The following DZIP3 variants were observed in gnomAD, a reference collection of about 807,000 sequenced individuals.
DZIP3 encodes E3 ubiquitin-protein ligase DZIP3.
DZIP3 carries 118 observed loss-of-function variants against 162.0 expected under a neutral mutation model. The observed-to-expected ratio is 0.73, with a 90% confidence interval of 0.63 to 0.85. The LOEUF (loss-of-function observed/expected upper bound fraction) is 0.85, where lower values mean the gene tolerates loss of function less well. Ranked by LOEUF, DZIP3 falls within the 40% of genes least tolerant of loss-of-function variation. DZIP3 has a pLI of 0.00. For missense variants in DZIP3, 1,331 were observed against 1,407.0 expected, an observed-to-expected ratio of 0.95 and a Z score of 0.86; for synonymous variants, 438 against 458.6, an observed-to-expected ratio of 0.96 and a Z score of 0.57.
intron 1 of DZIP3, among the ~76,000 whole-genome samples, chr3:108,597,867 C>G (rs1437769634): frequency 1.3e-5 from 2 of 152,066 alleles, no homozygotes; most frequent in African/African-American, 4.8e-5. Context: ...ATTCTCAGAT[C>G]TTTTACTGTT....
chr3:108,601,836 A>G (rs1193969358), intron 1 of DZIP3, among the ~76,000 whole-genome samples: 1 of 152,182 alleles, frequency 6.6e-6, no homozygotes, highest in Non-Finnish European at 1.5e-5. Context: ...CCAAGAACTG[A>G]AAATTACCAG....
intron 4 of DZIP3, among the ~76,000 whole-genome samples, chr3:108,613,367 G>T (rs531076439): frequency 1.3e-5 from 2 of 152,158 alleles, no homozygotes; most frequent in Admixed American, 6.6e-5. Context: ...CTGGGAATTT[G>T]CCCACTTAAA....
At chr3:108,622,740 T>TA (rs1941411103) in intron 5 of DZIP3, among the ~76,000 whole-genome samples, 1 of 151,990 alleles carries the variant, frequency 6.6e-6, no homozygotes, top group Non-Finnish European at 1.5e-5. Flanking sequence ...TTCATAGAGG[T>TA]ACCATCTTGG....
intron 28 of DZIP3, among the ~76,000 whole-genome samples, chr3:108,687,722 A>G (rs1944546356): frequency 6.6e-6 from 1 of 152,222 alleles, no homozygotes; most frequent in African/African-American, 2.4e-5. Flanking sequence ...TTTTGGAAAG[A>G]AAATAAGTAC....
intron 13 of DZIP3, 58 bp from the exon 14 acceptor site, chr3:108,644,105 AC>A: frequency 6.6e-7 from 1 of 1,523,296 alleles, no homozygotes; most frequent in Non-Finnish European, 8.7e-7. Flanking sequence ...AATGTGAGAG[AC>A]CAAATAGAAA....
At chr3:108,608,383 A>T (rs1367081233) in intron 3 of DZIP3, among the ~76,000 whole-genome samples, 1 of 152,160 alleles carries the variant, frequency 6.6e-6, no homozygotes, top group Admixed American at 6.5e-5. Context: ...ATAACTAAAA[A>T]TTAGTAAAAA....
chr3:108,617,799 A>G (rs941390668), intron 5 of DZIP3, among the ~76,000 whole-genome samples: 3 of 152,210 alleles, frequency 2.0e-5, no homozygotes, highest in African/African-American at 4.8e-5. Context: ...CAGACCTGCT[A>G]TTTCTCCCAC....
intron 2 of DZIP3, 68 bp downstream of exon 2, chr3:108,605,506 A>G (rs898272233): frequency 3.3e-6 from 5 of 1,519,634 alleles, no homozygotes; most frequent in Non-Finnish European, 4.5e-6. Context: ...TTTTCCACGG[A>G]TGGTGGGGGT....
At chr3:108,591,113 G>A (rs1939387042) in intron 1 of DZIP3, among the ~76,000 whole-genome samples, 1 of 152,212 alleles carries the variant, frequency 6.6e-6, no homozygotes, top group South Asian at 2.1e-4. Context: ...GCTTCAAGGA[G>A]TTGAGAAAGG....
chr3:108,672,692 G>A, intron 23 of DZIP3, 36 bp downstream of exon 23: 1 of 1,540,440 alleles, frequency 6.5e-7, no homozygotes. Flanking sequence ...ATGGGGTGAG[G>A]GGAAAAGTTT....
chr3:108,609,606 G>A (rs1223290296), intron 3 of DZIP3, among the ~76,000 whole-genome samples: 3 of 152,210 alleles, frequency 2.0e-5, no homozygotes, highest in Admixed American at 2.0e-4. Flanking sequence ...GGAGGCTAAT[G>A]TGGGCGGATT....
At chr3:108,651,186 T>C in intron 18 of DZIP3, 24 bp downstream of exon 18, 1 of 727,064 alleles carries the variant, frequency 1.4e-6, no homozygotes, top group South Asian at 2.4e-5. Flanking sequence ...TATTTAATTT[T>C]TAAATTTTTC....
At chr3:108,630,748 G>A (rs1446596218) in intron 8 of DZIP3, among the ~76,000 whole-genome samples, 4 of 151,180 alleles carry the variant, frequency 2.6e-5, no homozygotes, top group African/African-American at 9.7e-5. Context: ...CTTTTTTAGT[G>A]AATTTTTATT....
chr3:108,613,345 G>GA (rs1940825424), intron 4 of DZIP3, among the ~76,000 whole-genome samples: 1 of 152,116 alleles, frequency 6.6e-6, no homozygotes, highest in African/African-American at 2.4e-5. Flanking sequence ...AGAAAAGTAT[G>GA]AAGGAGTAGG....
Position 108,686,436 on chromosome 3 carries a change from C to G in DZIP3, c.3010-9C>G. 1 of 1,564,586 alleles carries G rather than the reference C, an allele frequency of 6.4e-7. No individual in the cohort carries two copies. The highest frequency in any genetic ancestry group is 8.6e-7 in the Non-Finnish European group (1 of 1,161,116). ...AACCTGCTGGGCTATAGCTCTCTGC[C>G]TCTTACAGATGACTGGCATAGCCTG... On this transcript the variant is annotated splice_polypyrimidine_tract_variant and intron_variant, in intron 27 of 32. Coordinates refer to ENST00000361582, the MANE Select transcript of DZIP3 (RefSeq NM_014648.4).
chr3:108,629,427 A>G (rs1046048408), intron 8 of DZIP3, among the ~76,000 whole-genome samples: 30 of 152,186 alleles, frequency 2.0e-4, no homozygotes, highest in African/African-American at 5.5e-4. Context: ...GTTAGAGTCA[A>G]ATGTAGCTGT....
At chr3:108,599,542 T>A (rs1419989166) in intron 1 of DZIP3, among the ~76,000 whole-genome samples, 1 of 152,202 alleles carries the variant, frequency 6.6e-6, no homozygotes, top group East Asian at 1.9e-4. Context: ...CTCAGCCATT[T>A]TTGTCTACAC....
rs907798627 is a variant in DZIP3, at chr3:108,675,750, A to G, written c.2694-36A>G. ...TTGGAAACCTAAGTGTTATAAAAAG[A>G]AAGAGTTTTCTTTTGTGTCTCCTTT... On this transcript the variant is annotated intron_variant, in intron 24 of 32. Coordinates refer to ENST00000361582, the MANE Select transcript of DZIP3 (RefSeq NM_014648.4). 3.2e-6 allele frequency: 5 copies of G among 1,564,622 alleles called. No homozygotes were observed. The African/African-American group carries it at 6.9e-5, about 22-fold the overall frequency.
At chr3:108,595,666 G>GA (rs768675637) in intron 1 of DZIP3, among the ~76,000 whole-genome samples, 300 of 152,116 alleles carry the variant, frequency 2.0e-3, no homozygotes, top group Non-Finnish European at 3.2e-3. Flanking sequence ...ATTTCTTCTG[G>GA]AAAAATCTAG....
Sources: gnomAD v4.1 joint callset for allele counts (sites outside exome capture counted in the v4.1 genomes callset) on GRCh38, gnomAD v4.1.1 for gene constraint, MANE v1.5 for transcripts, NCBI Gene and HGNC (gene_info 2026-07-23, HGNC 2026-07-21) for gene names.